The following ATP1B1 variants were observed in gnomAD, a reference collection of about 807,000 sequenced individuals.
ATP1B1 encodes sodium/potassium-transporting ATPase subunit beta-1.
Under a neutral mutation model 39.6 loss-of-function variants are expected in ATP1B1, and 3 were observed. The observed-to-expected ratio is 0.08, with a 90% CI of 0.03 to 0.20. The LOEUF (loss-of-function observed/expected upper bound fraction) is 0.20. Among genes scored for constraint, ATP1B1 ranks in the 10% least tolerant of loss-of-function variants. The probability of loss-of-function intolerance (pLI) is 1.00; values close to 1 mark genes in which losing one functional copy is unlikely to be tolerated. For synonymous variants in ATP1B1, 139 were observed against 135.0 expected (o/e 1.03, Z -0.20); for missense variants, 216 against 371.1 (o/e 0.58, Z 3.43).
intron 1 of ATP1B1, chr1:169,110,654 A>G: frequency 7.8e-7 from 1 of 1,276,700 alleles, no homozygotes. Flanking sequence ...AATGCAGCCC[A>G]GCAAGTCAGT....
chr1:169,108,939 A>G (rs1317971820), intron 1 of ATP1B1, among the ~76,000 whole-genome samples: 1 of 152,246 alleles, frequency 6.6e-6, no homozygotes, highest in Non-Finnish European at 1.5e-5. Flanking sequence ...AAAAGGCGGC[A>G]GCAATTACCG....
At chr1:169,126,265 G>GGAGAT (rs1658082912) in intron 3 of ATP1B1, among the ~76,000 whole-genome samples, 1 of 152,200 alleles carries the variant, frequency 6.6e-6, no homozygotes, top group Admixed American at 6.5e-5. Flanking sequence ...ATCACTTCAA[G>GGAGAT]GAGATAGTCT....
At chr1:169,120,486 C>T (rs1045858487) in intron 2 of ATP1B1, among the ~76,000 whole-genome samples, 1 of 152,174 alleles carries the variant, frequency 6.6e-6, no homozygotes, top group African/African-American at 2.4e-5. Flanking sequence ...CTCCTTCTAC[C>T]AAGGTTCTCT....
At chr1:169,113,401 A>G (rs1487845153) in intron 2 of ATP1B1, among the ~76,000 whole-genome samples, 1 of 152,140 alleles carries the variant, frequency 6.6e-6, no homozygotes, top group Non-Finnish European at 1.5e-5. Flanking sequence ...CTCAAAGCCA[A>G]ATACGACTAC....
At chr1:169,110,757 C>A in intron 1 of ATP1B1, 1 of 1,105,532 alleles carries the variant, frequency 9.0e-7, no homozygotes, top group Non-Finnish European at 1.2e-6. Flanking sequence ...TCTTGTCCTC[C>A]GAGGGGAAAG....
intron 2 of ATP1B1, among the ~76,000 whole-genome samples, chr1:169,115,104 GA>G (rs1474395245): frequency 1.3e-5 from 2 of 148,468 alleles, no homozygotes; most frequent in Non-Finnish European, 3.0e-5. Flanking sequence ...AGAATGGCGT[GA>G]ACCCGGGAGG....
chr1:169,111,219 A>G, intron 1 of ATP1B1, 151 bp from the exon 2 acceptor site: 1 of 1,011,512 alleles, frequency 9.9e-7, no homozygotes, highest in Non-Finnish European at 1.4e-6. Flanking sequence ...ACCCTGTGTC[A>G]GTGGGGTGAG....
intron 1 of ATP1B1, 72 bp downstream of exon 1, chr1:169,106,998 TCC>T: frequency 7.0e-7 from 1 of 1,429,238 alleles, no homozygotes; most frequent in East Asian, 2.9e-5. Flanking sequence ...CTGCGCAGGG[TCC>T]GCGGCCGGTT....
chr1:169,113,250 G>C (rs969971545), intron 2 of ATP1B1, among the ~76,000 whole-genome samples: 6 of 151,894 alleles, frequency 4.0e-5, no homozygotes, highest in African/African-American at 1.5e-4. Flanking sequence ...ATTTTTAGTA[G>C]AGACAAGGTT....
chr1:169,131,567 A>G lies in ATP1B1; in HGVS notation c.*12A>G, dbSNP rs1167737021. 6.2e-7 allele frequency: 1 copy of G among 1,601,580 alleles called. No individual in the cohort carries two copies. Among genetic ancestry groups the G allele is most frequent in the Non-Finnish European group, 8.5e-7 (1 of 1,174,314 alleles). On this transcript the variant is annotated 3_prime_UTR_variant, in exon 6 of 6. Coordinates refer to ENST00000367815, the MANE Select transcript of ATP1B1 (RefSeq NM_001677.4). The surrounding 1 kb of genome is among the most constrained non-coding windows in gnomAD (Gnocchi z 4.4). ...AAGTTAAGAGCTGATCACAAGCACA[A>G]ATCTTTCCCACTAGCCATTTAATAA...
chr1:169,127,496 A>G lies in ATP1B1; in HGVS notation c.567+88A>G, dbSNP rs558622792. On this transcript the variant is annotated intron_variant, in intron 4 of 5. Transcript: ENST00000367815. ...TGAGAAGACAATGTAAGATAGTTTT[A>G]AAGTATACTCAGTGCTGACTTTGAA... The G allele has an allele frequency of 5.2e-5, 74 of 1,419,060 alleles. No homozygotes were observed. In the African/African-American group the frequency reaches 1.1e-3, roughly 21 times the overall value. 87.9% of individuals were successfully genotyped at this position (1,419,060 alleles called of 1,614,324 possible).
intron 5 of ATP1B1, among the ~76,000 whole-genome samples, chr1:169,130,366 C>G (rs1057346534): frequency 3.3e-5 from 5 of 149,572 alleles, no homozygotes; most frequent in African/African-American, 1.2e-4. Context: ...ATTTGCTTAT[C>G]AGAACTGAGA....
intron 2 of ATP1B1, among the ~76,000 whole-genome samples, chr1:169,116,571 C>T (rs1657851493): frequency 6.6e-6 from 1 of 152,104 alleles, no homozygotes; most frequent in Non-Finnish European, 1.5e-5. Flanking sequence ...TCATTAGGGG[C>T]CTGGCGCAGT....
At chr1:169,116,451 C>T (rs375137659) in intron 2 of ATP1B1, among the ~76,000 whole-genome samples, 31 of 152,250 alleles carry the variant, frequency 2.0e-4, no homozygotes, top group African/African-American at 7.5e-4. Context: ...TGTTGGTAAT[C>T]AGAATCGGGC....
chr1:169,125,679 A>C (rs1286677026), intron 3 of ATP1B1, among the ~76,000 whole-genome samples: 1 of 152,118 alleles, frequency 6.6e-6, no homozygotes, highest in Non-Finnish European at 1.5e-5. Flanking sequence ...TTCTTTCCAC[A>C]AAAAAATACT....
Position 169,130,634 on chromosome 1 carries a change from A to C in ATP1B1, c.648+544A>C, listed in dbSNP as rs1658191154. ...AAACCCTGTCTCTACTACACATACA[A>C]AAATTAGCTGGGCGTGGCGGCGCGT... is the stretch of plus-strand genomic sequence containing the variant. On this transcript the variant is annotated intron_variant, in intron 5 of 5. Transcript: ENST00000367815. 2.0e-5 allele frequency among the ~76,000 whole-genome samples: 3 copies of C among 152,056 alleles called. No homozygotes were observed. In the South Asian group the frequency reaches 6.2e-4, roughly 32 times the overall value.
chr1:169,118,499 C>A (rs899662932), intron 2 of ATP1B1, among the ~76,000 whole-genome samples: 2 of 152,146 alleles, frequency 1.3e-5, no homozygotes, highest in African/African-American at 2.4e-5. Flanking sequence ...TGCAAAGGCG[C>A]CTTTTTTCTG....
chr1:169,123,020 A>G (rs1447155554), intron 2 of ATP1B1, among the ~76,000 whole-genome samples: 2 of 152,098 alleles, frequency 1.3e-5, no homozygotes, highest in African/African-American at 4.8e-5. Flanking sequence ...AAGCATATCT[A>G]TACAACCCCC....
chr1:169,132,672 C>A lies in ATP1B1; in HGVS notation c.*1117C>A. The A allele has an allele frequency of 6.2e-6, 6 of 969,814 alleles. No homozygotes were observed. The highest frequency in any genetic ancestry group is 9.5e-6 in the Non-Finnish European group (6 of 634,494). The allele number at this position is 969,814 out of a possible 1,614,324, so 60.1% of individuals were successfully genotyped here. Reference sequence around the variant, plus strand: ...CCAGGAGTACAGTGCTCTTGTTGATCTTGTATTCAGTCAGGTTAAAACAAC... The same window carrying A: ...CCAGGAGTACAGTGCTCTTGTTGATATTGTATTCAGTCAGGTTAAAACAAC... On this transcript the variant is annotated 3_prime_UTR_variant, in exon 6 of 6. Coordinates refer to ENST00000367815, the MANE Select transcript of ATP1B1 (RefSeq NM_001677.4).
Sources: gnomAD v4.1 joint callset for allele counts (sites outside exome capture counted in the v4.1 genomes callset) on GRCh38, gnomAD v4.1.1 for gene constraint, Gnocchi (gnomAD v3.1) non-coding constraint, MANE v1.5 for transcripts, NCBI Gene and HGNC (gene_info 2026-07-23, HGNC 2026-07-21) for gene names.